CUX1: variants seen among roughly 807,000 people sequenced by gnomAD.
The protein encoded by CUX1 is cut like homeobox 1, also known as protein CASP.
CUX1 carries 31 observed loss-of-function variants against 158.8 expected under a neutral mutation model. The ratio of observed to expected loss-of-function variants is 0.20; its 90% confidence interval spans 0.15 to 0.26. CUX1 has a LOEUF of 0.26. Ranked by LOEUF, CUX1 falls within the 10% of genes least tolerant of loss-of-function variation. CUX1 has a pLI of 1.00. For missense variants in CUX1, 1,589 were observed against 2,014.6 expected, an observed-to-expected ratio of 0.79 and a Z score of 4.04; for synonymous variants, 879 against 862.1, an observed-to-expected ratio of 1.02 and a Z score of -0.34.
intron 6 of CUX1, 116 bp downstream of exon 6, chr7:102,104,575 C>A: frequency 7.5e-7 from 1 of 1,328,868 alleles, no homozygotes; most frequent in Non-Finnish European, 1.0e-6. Flanking sequence ...AACCCCAAAT[C>A]TATAAGGGGT....
chr7:101,824,388 C>G (rs1016483432), intron 1 of CUX1: 1 of 152,240 alleles, frequency 6.6e-6, no homozygotes, highest in Non-Finnish European at 1.5e-5. Context: ...CGTGCCTGGC[C>G]TCCACTCTTT....
chr7:102,141,739 T>C (rs1360568998), intron 8 of CUX1, among the ~76,000 whole-genome samples: 1 of 151,668 alleles, frequency 6.6e-6, no homozygotes, highest in Non-Finnish European at 1.5e-5. Context: ...TCTCCCACCT[T>C]AGCCTCCCGA....
At chr7:102,122,365 C>T (rs1832133036) in intron 8 of CUX1, among the ~76,000 whole-genome samples, 1 of 151,364 alleles carries the variant, frequency 6.6e-6, no homozygotes, top group Non-Finnish European at 1.5e-5. Context: ...CTAAATCAGA[C>T]TTGCAGGGAA....
intron 9 of CUX1, among the ~76,000 whole-genome samples, chr7:102,168,918 C>CTTTTTTTTTT (rs1239519322): frequency 2.4e-5 from 2 of 84,130 alleles, no homozygotes; most frequent in African/African-American, 1.4e-4. Flanking sequence ...CTTTTATTTT[C>CTTTTTTTTTT]TTTTCTTTTC....
chr7:101,869,555 G>A lies in CUX1; in HGVS notation c.31-46560G>A, dbSNP rs1410085242. ...CACAGCATTTGCGGGGCGCGGGAAG[G>A]GAGTGGCTGGTGGGGCGGGGGAGGG... is the stretch of plus-strand genomic sequence containing the variant. On this transcript the variant is annotated intron_variant, in intron 1 of 23. Transcript: ENST00000292535. This position sits in a 1 kb window ranked among gnomAD's most constrained non-coding sequence, Gnocchi z 4.5. Among the ~76,000 whole-genome samples, 3 of 152,164 alleles carry A rather than the reference G, an allele frequency of 2.0e-5. No individual in the cohort carries two copies. Among genetic ancestry groups the A allele is most frequent in the African/African-American group, 7.2e-5 (3 of 41,424 alleles).
intron 4 of CUX1, among the ~76,000 whole-genome samples, chr7:102,074,695 A>T (rs1276881313): frequency 6.6e-6 from 1 of 152,198 alleles, no homozygotes; most frequent in Non-Finnish European, 1.5e-5. Flanking sequence ...TCCCTGGTCC[A>T]GGTCTCACTC....
chr7:102,205,798 A>C (rs1554520935), intron 20 of CUX1, among the ~76,000 whole-genome samples: 1 of 151,904 alleles, frequency 6.6e-6, no homozygotes, highest in Non-Finnish European at 1.5e-5. Flanking sequence ...GTCTCCAACC[A>C]CACTTGTTCT....
intron 11 of CUX1, among the ~76,000 whole-genome samples, chr7:102,189,343 TCTTC>T (rs1794010659): frequency 6.7e-6 from 1 of 149,822 alleles, no homozygotes; most frequent in Non-Finnish European, 1.5e-5. Flanking sequence ...CTGCAAAGAT[TCTTC>T]CTTCTTTTTT....
intron 1 of CUX1, among the ~76,000 whole-genome samples, chr7:101,844,579 A>C (rs1480381882): frequency 2.0e-5 from 3 of 151,906 alleles, no homozygotes; most frequent in Non-Finnish European, 4.4e-5. Flanking sequence ...CCCTGTCTTC[A>C]TTCTTTTTTC....
At chr7:102,180,212 G>A (rs191402382) in intron 11 of CUX1, among the ~76,000 whole-genome samples, 7 of 152,048 alleles carry the variant, frequency 4.6e-5, no homozygotes, top group East Asian at 3.9e-4. Flanking sequence ...TAGTAGAGGC[G>A]GGGTTTCACC....
intron 2 of CUX1, among the ~76,000 whole-genome samples, chr7:101,953,762 G>A (rs899033568): frequency 6.6e-6 from 1 of 152,144 alleles, no homozygotes; most frequent in African/African-American, 2.4e-5. Context: ...TCTCACGACT[G>A]GAGGGTTGAA....
intron 9 of CUX1, among the ~76,000 whole-genome samples, chr7:102,168,923 CT>C (rs1191271149): frequency 1.7e-3 from 76 of 45,014 alleles, no homozygotes; most frequent in African/African-American, 5.9e-3. Context: ...ATTTTCTTTT[CT>C]TTTCTTTTAT....
chr7:102,196,912 G>A lies in CUX1; in HGVS notation c.1501G>A (p.Gly501Arg), dbSNP rs781788263. The A allele has an allele frequency of 4.3e-6, 7 of 1,614,058 alleles. No homozygotes were observed. The highest frequency in any genetic ancestry group is 5.9e-6 in the Non-Finnish European group (7 of 1,180,054). ...CTACTCCAAGGCTATGCAGGAAGCC[G>A]GAAGCACAAGCATGATTTTTTCAAC... is the stretch of plus-strand genomic sequence containing the variant. ...SFYSKAMQEA[G>R]STSMIFSTGP... Residue 501 changes from glycine to arginine, a missense_variant, in exon 15 of 24, where the codon GGA (glycine) becomes AGA (arginine). Physicochemically the swap from Gly to Arg is moderately radical, Grantham distance 125. This residue lies in a region of CUX1 where 515 missense variants were observed against 574.4 expected (regional missense o/e 0.90). Transcript: ENST00000292535.
intron 2 of CUX1, among the ~76,000 whole-genome samples, chr7:101,993,167 TAAA>T (rs145116039): frequency 0.019 from 2,889 of 152,100 alleles, 98 homozygotes; most frequent in African/African-American, 0.066. Context: ...CCGTCTCTAC[TAAA>T]AAATACAAAA....
chr7:101,997,272 C>T (rs1447064658), intron 2 of CUX1, among the ~76,000 whole-genome samples: 2 of 152,224 alleles, frequency 1.3e-5, no homozygotes, highest in South Asian at 2.1e-4. Context: ...AGTGCGTGCA[C>T]GGAGCCTGCT....
At chr7:101,849,912 ATTTTTTTT>A (rs71106570) in intron 1 of CUX1, among the ~76,000 whole-genome samples, 5 of 124,298 alleles carry the variant, frequency 4.0e-5, no homozygotes, top group Non-Finnish European at 4.9e-5. Context: ...GTCTCATGCA[ATTTTTTTT>A]TTTTTTTTTT....
chr7:101,831,227 G>A (rs1793964620), intron 1 of CUX1, among the ~76,000 whole-genome samples: 1 of 152,064 alleles, frequency 6.6e-6, no homozygotes, highest in South Asian at 2.1e-4. Context: ...TGTGTGCCGG[G>A]CAGCATTCTA....
chr7:101,982,213 T>C (rs1327821380), intron 2 of CUX1, among the ~76,000 whole-genome samples: 1 of 152,206 alleles, frequency 6.6e-6, no homozygotes, highest in Non-Finnish European at 1.5e-5. Context: ...CCTCCATAGC[T>C]GTGACTGCTG....
chr7:102,282,644 G>C, intron 21 of CUX1: 1 of 1,550,610 alleles, frequency 6.4e-7, no homozygotes, highest in African/African-American at 1.4e-5. Context: ...CAGGCCCAGG[G>C]GCCATGGGTG....
Sources: allele counts gnomAD v4.1 joint callset (sites outside exome capture counted in the v4.1 genomes callset), GRCh38; gene constraint gnomAD v4.1.1; regional missense constraint gnomAD v4.1.1; non-coding constraint Gnocchi (gnomAD v3.1); transcripts MANE v1.5; gene names NCBI Gene and HGNC (gene_info 2026-07-23, HGNC 2026-07-21).